The following ZCCHC17 variants were observed in gnomAD, a reference collection of about 807,000 sequenced individuals.
The protein encoded by ZCCHC17 is zinc finger CCHC domain-containing protein 17.
ZCCHC17 carries 18 observed loss-of-function variants against 30.6 expected under a neutral mutation model. That is an observed-to-expected ratio of 0.59 (90% confidence interval 0.41 to 0.87). ZCCHC17 has a LOEUF of 0.87. Ranked by LOEUF, ZCCHC17 falls within the 40% of genes least tolerant of loss-of-function variation. The probability of loss-of-function intolerance (pLI) is 0.00; values close to 1 mark genes in which losing one functional copy is unlikely to be tolerated. For missense variants in ZCCHC17, 263 were observed against 284.2 expected, an observed-to-expected ratio of 0.93 and a Z score of 0.54; for synonymous variants, 88 against 92.4, an observed-to-expected ratio of 0.95 and a Z score of 0.27.
intron 7 of ZCCHC17, among the ~76,000 whole-genome samples, chr1:31,351,703 C>G (rs1372185769): frequency 6.6e-6 from 1 of 152,106 alleles, no homozygotes; most frequent in Non-Finnish European, 1.5e-5. Context: ...GATTATGCCA[C>G]TGCGCTCCTG....
At chr1:31,343,904 G>A (rs147600402) in intron 5 of ZCCHC17, among the ~76,000 whole-genome samples, 1 of 134,736 alleles carries the variant, frequency 7.4e-6, no homozygotes, top group Non-Finnish European at 1.5e-5. Flanking sequence ...TGCCCAGGCT[G>A]GAGGCAGTGG....
chr1:31,364,136 C>A lies in ZCCHC17; in HGVS notation c.669C>A (p.Ser223Arg). 1 of 1,613,800 alleles carries A rather than the reference C, an allele frequency of 6.2e-7. No individual in the cohort carries two copies. The highest frequency in any genetic ancestry group is 8.5e-7 in the Non-Finnish European group (1 of 1,179,890). Residue 223 changes from serine (S) to arginine (R), a missense_variant, in exon 8 of 8, where the codon AGC becomes AGA. Physicochemically the swap from Ser to Arg is moderately radical, Grantham distance 110 (BLOSUM62 -1). Coordinates refer to ENST00000344147, the MANE Select transcript of ZCCHC17 (RefSeq NM_016505.4). ...GKRARHTSKD[S>R]KAAKKKKKKK... ...GGGCAAGGCACACATCAAAAGACAG[C>A]AAGGCAGCAAAGAAGAAGAAAAAGA...
intron 5 of ZCCHC17, among the ~76,000 whole-genome samples, chr1:31,345,571 T>TATATA (rs1639236658): frequency 1.9e-5 from 2 of 106,392 alleles, no homozygotes; most frequent in Non-Finnish European, 4.1e-5. Context: ...TAATATAATA[T>TATATA]ATATATATAT....
At chr1:31,343,583 GTA>G (rs1639127899) in intron 5 of ZCCHC17, among the ~76,000 whole-genome samples, 1 of 152,032 alleles carries the variant, frequency 6.6e-6, no homozygotes, top group African/African-American at 2.4e-5. Context: ...AAGTGACTCT[GTA>G]AATGGAAAGG....
chr1:31,316,136 C>G (rs1232760106), intron 2 of ZCCHC17, among the ~76,000 whole-genome samples: 1 of 152,190 alleles, frequency 6.6e-6, no homozygotes, highest in African/African-American at 2.4e-5. Context: ...GAATCTTGCT[C>G]TGTCACCCAG....
At chr1:31,299,727 C>A (rs1360814515) in intron 1 of ZCCHC17, among the ~76,000 whole-genome samples, 1 of 152,180 alleles carries the variant, frequency 6.6e-6, no homozygotes, top group Non-Finnish European at 1.5e-5. Context: ...TATTGCAATA[C>A]ATCCCTTACT....
chr1:31,340,571 C>A (rs985526036), intron 5 of ZCCHC17, among the ~76,000 whole-genome samples: 12 of 152,172 alleles, frequency 7.9e-5, no homozygotes, highest in African/African-American at 2.7e-4. Context: ...CCCGTCTCGG[C>A]CTCCCAAAGT....
chr1:31,313,496 G>A (rs770187022), intron 2 of ZCCHC17, among the ~76,000 whole-genome samples: 16 of 152,342 alleles, frequency 1.1e-4, no homozygotes, highest in Non-Finnish European at 2.4e-4. Flanking sequence ...GGCAGACTTT[G>A]TGATTATCAG....
At chr1:31,298,552 T>G (rs999447574) in intron 1 of ZCCHC17, among the ~76,000 whole-genome samples, 16 of 152,046 alleles carry the variant, frequency 1.1e-4, no homozygotes, top group Non-Finnish European at 4.4e-5. Flanking sequence ...GCCCGGCCAA[T>G]TTTTGTATTT....
chr1:31,316,570 T>C (rs1467863519), intron 2 of ZCCHC17, among the ~76,000 whole-genome samples: 3 of 152,214 alleles, frequency 2.0e-5, no homozygotes, highest in Non-Finnish European at 2.9e-5. Context: ...TTGGGAGACT[T>C]ATCTTTATTA....
At chr1:31,301,204 A>G (rs1171491592) in intron 1 of ZCCHC17, among the ~76,000 whole-genome samples, 1 of 152,200 alleles carries the variant, frequency 6.6e-6, no homozygotes, top group Non-Finnish European at 1.5e-5. Flanking sequence ...TTAGTAGACA[A>G]TTTCCATGTG....
At chr1:31,361,343 A>G (rs1639884799) in intron 7 of ZCCHC17, among the ~76,000 whole-genome samples, 1 of 152,232 alleles carries the variant, frequency 6.6e-6, no homozygotes, top group African/African-American at 2.4e-5. Flanking sequence ...AATGAGAGAA[A>G]AATACATATA....
intron 7 of ZCCHC17, among the ~76,000 whole-genome samples, chr1:31,356,141 A>G (rs1286978126): frequency 6.6e-6 from 1 of 152,266 alleles, no homozygotes; most frequent in African/African-American, 2.4e-5. Context: ...AAAGTAACTC[A>G]TGAAATAAAG....
chr1:31,320,427 T>C (rs573309931), intron 3 of ZCCHC17, among the ~76,000 whole-genome samples: 25 of 152,324 alleles, frequency 1.6e-4, no homozygotes, highest in African/African-American at 5.8e-4. Flanking sequence ...TTTGAGAACA[T>C]TGTTGTCACC....
At chr1:31,297,586 G>T (rs1283791208) in intron 1 of ZCCHC17, among the ~76,000 whole-genome samples, 2 of 152,214 alleles carry the variant, frequency 1.3e-5, no homozygotes, top group Admixed American at 1.3e-4. Context: ...TTAGCAGCGC[G>T]TTGGGGGTAT....
intron 2 of ZCCHC17, among the ~76,000 whole-genome samples, chr1:31,316,845 A>G (rs1157279272): frequency 6.6e-6 from 1 of 152,022 alleles, no homozygotes; most frequent in African/African-American, 2.4e-5. Flanking sequence ...CCCATTCTTC[A>G]TGTTTTGTCT....
chr1:31,319,241 G>A, intron 3 of ZCCHC17, 75 bp downstream of exon 3: 1 of 1,252,640 alleles, frequency 8.0e-7, no homozygotes, highest in Admixed American at 2.0e-5. Context: ...CTAATTATAG[G>A]CTGTACATTT....
At chr1:31,362,738 T>C (rs1331567857) in intron 7 of ZCCHC17, among the ~76,000 whole-genome samples, 1 of 152,218 alleles carries the variant, frequency 6.6e-6, no homozygotes, top group Non-Finnish European at 1.5e-5. Flanking sequence ...TTTACTCCTA[T>C]TCTTTGACCT....
chr1:31,318,232 T>C (rs1337191018), intron 2 of ZCCHC17: 1 of 1,532,906 alleles, frequency 6.5e-7, no homozygotes, highest in South Asian at 1.2e-5. Flanking sequence ...AAGAATAAAG[T>C]TTATGTATGT....
Sources: gnomAD v4.1 joint callset for allele counts (sites outside exome capture counted in the v4.1 genomes callset) on GRCh38, gnomAD v4.1.1 for gene constraint, MANE v1.5 for transcripts, NCBI Gene and HGNC (gene_info 2026-07-23, HGNC 2026-07-21) for gene names.